DLG2: variants seen among roughly 807,000 people sequenced by gnomAD.
The protein encoded by DLG2 is disks large homolog 2.
A neutral mutation model predicts 132.5 loss-of-function variants in DLG2; 45 were observed. That is an observed-to-expected ratio of 0.34 (90% CI 0.27 to 0.44). The LOEUF (loss-of-function observed/expected upper bound fraction) is 0.44, where lower values mean the gene tolerates loss of function less well. Among genes scored for constraint, DLG2 ranks in the 20% least tolerant of loss-of-function variants. DLG2 has a pLI of 1.00. For synonymous variants in DLG2, 424 were observed against 419.6 expected, an observed-to-expected ratio of 1.01 and a Z score of -0.13; for missense variants, 1,045 against 1,196.9, an observed-to-expected ratio of 0.87 and a Z score of 1.87.
intron 11 of DLG2, among the ~76,000 whole-genome samples, chr11:83,990,916 C>T (rs1015612195): frequency 5.9e-5 from 9 of 152,008 alleles, no homozygotes; most frequent in African/African-American, 2.2e-4. Context: ...CCCTGGCTGG[C>T]CCTGTCTGAG....
At chr11:84,166,925 T>C (rs772013009) in intron 8 of DLG2, 2 of 533,296 alleles carry the variant, frequency 3.8e-6, no homozygotes, top group Non-Finnish European at 7.7e-6. Context: ...TTTTTTCTTG[T>C]ACAGTAACAC....
chr11:84,744,239 G>T (rs1169299812), intron 6 of DLG2, among the ~76,000 whole-genome samples: 1 of 152,120 alleles, frequency 6.6e-6, no homozygotes, highest in East Asian at 1.9e-4. Context: ...ATGAGAAAAT[G>T]AATCACATTC....
chr11:84,886,120 C>T (rs908581379), intron 6 of DLG2, among the ~76,000 whole-genome samples: 5 of 151,998 alleles, frequency 3.3e-5, no homozygotes, highest in Non-Finnish European at 7.4e-5. Context: ...AACAGCTTAA[C>T]CTGGGAAGGT....
chr11:83,567,137 C>A (rs926250655), intron 19 of DLG2, among the ~76,000 whole-genome samples: 3 of 152,102 alleles, frequency 2.0e-5, no homozygotes, highest in Non-Finnish European at 4.4e-5. Flanking sequence ...TCGGGTGACT[C>A]GTTGAAAGCC....
chr11:85,487,040 A>AT (rs1483401757), intron 3 of DLG2, among the ~76,000 whole-genome samples: 26 of 150,484 alleles, frequency 1.7e-4, no homozygotes, highest in Admixed American at 1.7e-3. Context: ...CTGTGTGCTG[A>AT]TTAAAAAAAA....
chr11:84,472,880 T>G (rs924210440), intron 7 of DLG2, among the ~76,000 whole-genome samples: 37 of 152,138 alleles, frequency 2.4e-4, no homozygotes, highest in African/African-American at 8.9e-4. Flanking sequence ...TTTTCACAAA[T>G]AAAATATTTA....
At chr11:84,888,865 T>C (rs1183136241) in intron 6 of DLG2, among the ~76,000 whole-genome samples, 4 of 152,108 alleles carry the variant, frequency 2.6e-5, no homozygotes. Context: ...AAGCAGCAAA[T>C]ATACATCATC....
At chr11:84,723,884 AC>A (rs2062105137) in intron 6 of DLG2, among the ~76,000 whole-genome samples, 1 of 152,194 alleles carries the variant, frequency 6.6e-6, no homozygotes, top group Non-Finnish European at 1.5e-5. Flanking sequence ...TCTCCTAATG[AC>A]AACTTTCCTC....
At chr11:84,820,867 C>A (rs1437957160) in intron 6 of DLG2, among the ~76,000 whole-genome samples, 1 of 151,788 alleles carries the variant, frequency 6.6e-6, no homozygotes, top group Non-Finnish European at 1.5e-5. Flanking sequence ...TGAGTCTCTT[C>A]TTCCATAGTC....
intron 3 of DLG2, among the ~76,000 whole-genome samples, chr11:85,420,766 A>T (rs1279360206): frequency 6.6e-6 from 1 of 152,162 alleles, no homozygotes; most frequent in African/African-American, 2.4e-5. Flanking sequence ...AAGCTTCAGT[A>T]ATGGTGGATG....
chr11:83,768,818 G>A (rs910652370), intron 18 of DLG2, among the ~76,000 whole-genome samples: 1 of 152,212 alleles, frequency 6.6e-6, no homozygotes, highest in Non-Finnish European at 1.5e-5. Context: ...GTGAGGAATA[G>A]GTGAGGACCC....
At chr11:84,899,851 T>C (rs1004898090) in intron 6 of DLG2, among the ~76,000 whole-genome samples, 6 of 152,024 alleles carry the variant, frequency 3.9e-5, no homozygotes, top group Admixed American at 2.0e-4. Context: ...TAAACTTCTC[T>C]CTGGGAAGAC....
At chr11:83,620,173 C>T (rs2061407947) in intron 19 of DLG2, among the ~76,000 whole-genome samples, 1 of 151,922 alleles carries the variant, frequency 6.6e-6, no homozygotes, top group Non-Finnish European at 1.5e-5. Context: ...GGAAAAAGTA[C>T]ATGAGGTAAG....
intron 11 of DLG2, among the ~76,000 whole-genome samples, chr11:84,008,661 A>G (rs761172624): frequency 8.6e-5 from 13 of 152,008 alleles, no homozygotes; most frequent in Non-Finnish European, 1.2e-4. Context: ...AAAAGAAGAA[A>G]AAAAGCTCTG....
chr11:85,393,629 ATGTGTGTGTGTGTG>A (rs35765389), intron 3 of DLG2, among the ~76,000 whole-genome samples: 4 of 143,818 alleles, frequency 2.8e-5, no homozygotes, highest in African/African-American at 7.7e-5. Context: ...TGGTATGCAT[ATGTGTGTGTGTGTG>A]TGTGTGTGTG....
chr11:83,575,595 C>G (rs999955840), intron 19 of DLG2, among the ~76,000 whole-genome samples: 1 of 152,194 alleles, frequency 6.6e-6, no homozygotes. Context: ...AGGATCAATA[C>G]TTGGCATTTG....
At chr11:83,933,052 A>G (rs1001786206) in intron 14 of DLG2, among the ~76,000 whole-genome samples, 10 of 152,208 alleles carry the variant, frequency 6.6e-5, no homozygotes, top group Admixed American at 3.9e-4. Flanking sequence ...ACTGGGAGCC[A>G]GCATTCTTAG....
At chr11:84,030,658 G>T (rs1268699349) in intron 11 of DLG2, among the ~76,000 whole-genome samples, 2 of 152,146 alleles carry the variant, frequency 1.3e-5, no homozygotes, top group Admixed American at 1.3e-4. Context: ...CAGAATTCAT[G>T]ATATGTTTCC....
At chr11:84,665,336 T>C (rs2099698747) in intron 6 of DLG2, among the ~76,000 whole-genome samples, 1 of 152,106 alleles carries the variant, frequency 6.6e-6, no homozygotes, top group Non-Finnish European at 1.5e-5. Context: ...GCAAAGAAAG[T>C]CAAATAATTT....
Sources: gnomAD v4.1 joint callset for allele counts (sites outside exome capture counted in the v4.1 genomes callset) on GRCh38, gnomAD v4.1.1 for gene constraint, MANE v1.5 for transcripts, NCBI Gene and HGNC (gene_info 2026-07-23, HGNC 2026-07-21) for gene names.